Variants in ZNF585B observed in about 807,000 individuals in gnomAD.
The protein encoded by ZNF585B is zinc finger protein 585B.
In ZNF585B, 7 loss-of-function variants were observed where a neutral mutation model predicts 14.0. The observed-to-expected ratio is 0.50, with a 90% confidence interval of 0.28 to 0.94. The LOEUF (loss-of-function observed/expected upper bound fraction) is 0.94, where lower values mean the gene tolerates loss of function less well. Among genes scored for constraint, ZNF585B ranks in the 40% least tolerant of loss-of-function variants. The pLI, the probability that ZNF585B is intolerant of heterozygous loss-of-function variation, is 0.09. For synonymous variants in ZNF585B, 290 were observed against 317.3 expected (o/e 0.91, Z 0.91); for missense variants, 750 against 924.4 (o/e 0.81, Z 2.45).
chr19:37,182,106 C>G lies in ZNF585B; in HGVS notation c.*3121G>C, dbSNP rs1057372269. On this transcript the variant is annotated 3_prime_UTR_variant, in exon 5 of 5. Coordinates refer to ENST00000532828, the MANE Select transcript of ZNF585B (RefSeq NM_152279.4). ...TGAGGGTAGGGGATATATGGGAAAT[C>G]TCTGTACCTTCTGCCCCATTTTGCT... The G allele has an allele frequency of 1.3e-5, 2 of 152,136 alleles. No homozygotes were observed. The highest frequency in any genetic ancestry group is 6.5e-5 in the Admixed American group (1 of 15,270). The allele number at this position is 152,136 out of a possible 1,614,324, so 9.4% of individuals were successfully genotyped here.
At chr19:37,203,470 A>T in intron 2 of ZNF585B, among the ~76,000 whole-genome samples, 1 of 99,480 alleles carries the variant, frequency 1.0e-5, no homozygotes, top group Non-Finnish European at 2.0e-5. Flanking sequence ...ACATAGTAAG[A>T]TCTTGTCACA....
chr19:37,198,174 T>C (rs1468599726), intron 2 of ZNF585B, among the ~76,000 whole-genome samples: 2 of 152,200 alleles, frequency 1.3e-5, no homozygotes, highest in Middle Eastern at 3.4e-3. Context: ...ATTTATTTTA[T>C]TATTATTATT....
At chr19:37,198,684 C>T (rs1972496966) in intron 2 of ZNF585B, among the ~76,000 whole-genome samples, 1 of 148,744 alleles carries the variant, frequency 6.7e-6, no homozygotes, top group Non-Finnish European at 1.5e-5. Context: ...TGCAGTGAGC[C>T]GAGATTGCGC....
At chr19:37,190,172 C>T (rs889143528) in intron 2 of ZNF585B, 22 bp from the exon 3 acceptor site, 3 of 1,613,874 alleles carry the variant, frequency 1.9e-6, no homozygotes, top group African/African-American at 2.7e-5. Context: ...CATTCCTGTT[C>T]AATGTGCATA....
intron 2 of ZNF585B, among the ~76,000 whole-genome samples, chr19:37,202,789 T>C (rs7259948): frequency 0.024 from 3,722 of 152,106 alleles, 171 homozygotes; most frequent in African/African-American, 0.084. Context: ...ATTACAGGTA[T>C]GTGCCACCAT....
intron 2 of ZNF585B, among the ~76,000 whole-genome samples, chr19:37,190,785 C>T (rs1000470024): frequency 5.9e-5 from 9 of 151,790 alleles, no homozygotes; most frequent in African/African-American, 2.2e-4. Context: ...AGAATGGTCT[C>T]TATCTCCTGA....
At position 37,184,708 on chromosome 19, in the gene ZNF585B, T is replaced by C. The variant is rs73624813; in HGVS notation, c.*519A>G. On this transcript the variant is annotated 3_prime_UTR_variant, in exon 5 of 5. Coordinates refer to ENST00000532828, the MANE Select transcript of ZNF585B (RefSeq NM_152279.4). ...TCTTATTGCAGTATCTCTTGCTTGATAGAAATACTCAATGGGGAATTGGAT... is the reference window on the plus strand; with the variant it reads ...TCTTATTGCAGTATCTCTTGCTTGACAGAAATACTCAATGGGGAATTGGAT... 0.021 allele frequency: 5,851 copies of C among 278,952 alleles called. 219 individuals carry two copies. Among genetic ancestry groups the C allele is most frequent in the African/African-American group, 0.088 (4,034 of 46,086 alleles). The allele number at this position is 278,952 out of a possible 1,614,324, so 17.3% of individuals were successfully genotyped here. A position where few individuals can be genotyped will look rare whatever the true frequency, so the allele number is the denominator to read the frequency against.
rs532845763 is a variant in ZNF585B, at chr19:37,199,733, T to C, written c.72+7307A>G. On this transcript the variant is annotated intron_variant, in intron 2 of 4. Transcript: ENST00000532828. ...TCCACCATGAATTCAAGGAATTCACTATAATTATAACTACTTAAAATAATT... is the reference window on the plus strand; with the variant it reads ...TCCACCATGAATTCAAGGAATTCACCATAATTATAACTACTTAAAATAATT... Among the ~76,000 whole-genome samples, 15 of 152,276 alleles carry C rather than the reference T, an allele frequency of 9.9e-5. No individual in the cohort carries two copies. In the East Asian group the frequency reaches 2.9e-3, roughly 29 times the overall value.
chr19:37,202,668 G>T (rs1430712337), intron 2 of ZNF585B, among the ~76,000 whole-genome samples: 1 of 145,232 alleles, frequency 6.9e-6, no homozygotes, highest in Non-Finnish European at 1.5e-5. Flanking sequence ...TTGAGATGGA[G>T]TTTCGCGCTT....
chr19:37,190,278 C>T (rs1246805251), intron 2 of ZNF585B, 128 bp from the exon 3 acceptor site: 12 of 1,373,490 alleles, frequency 8.7e-6, no homozygotes, highest in Non-Finnish European at 1.2e-5. Context: ...GACAGTCTTG[C>T]TCTGTTCCCC....
intron 2 of ZNF585B, among the ~76,000 whole-genome samples, chr19:37,198,644 G>C (rs1264420900): frequency 2.0e-5 from 3 of 151,308 alleles, no homozygotes. Flanking sequence ...GCTGAGACAG[G>C]AGAATCTCTT....
At chr19:37,205,383 T>C (rs1972575111) in intron 2 of ZNF585B, among the ~76,000 whole-genome samples, 2 of 152,368 alleles carry the variant, frequency 1.3e-5, no homozygotes, top group Middle Eastern at 3.4e-3. Context: ...CCACTACTTC[T>C]AATATATCCA....
intron 2 of ZNF585B, among the ~76,000 whole-genome samples, chr19:37,200,053 T>TAATAA (rs74174449): frequency 0.027 from 3,976 of 144,598 alleles, 74 homozygotes; most frequent in Admixed American, 0.058. Flanking sequence ...CAAAAATAAA[T>TAATAA]AATAAAATAA....
At position 37,189,755 on chromosome 19, in the gene ZNF585B, T is replaced by C. The variant is rs1371306048; in HGVS notation, c.200-2A>G. The C allele has an allele frequency of 1.9e-6, 3 of 1,614,038 alleles. No individual in the cohort carries two copies. The highest frequency in any genetic ancestry group is 1.1e-5 in the South Asian group (1 of 91,080). On this transcript the variant is annotated splice_acceptor_variant, in intron 3 of 4. Transcript: ENST00000532828. LOFTEE classifies it high-confidence loss of function. ...CCTCTGGTTTAGGAACTTGATACCC[T>C]GTTCATGGGAAATGATAAAGGTCTG...
chr19:37,199,490 AC>A, intron 2 of ZNF585B: 1 of 453,086 alleles, frequency 2.2e-6, no homozygotes, highest in South Asian at 1.6e-5. Context: ...GCACCACAGC[AC>A]TCCAGCCTGA....
At chr19:37,191,416 G>A (rs1266588389) in intron 2 of ZNF585B, among the ~76,000 whole-genome samples, 1 of 151,874 alleles carries the variant, frequency 6.6e-6, no homozygotes, top group African/African-American at 2.4e-5. Flanking sequence ...TTTGGAGTTC[G>A]AGACCAGCCT....
rs369736598 is a variant in ZNF585B at position 37,209,720 on chromosome 19, C to T, written c.-144+721G>A. ...GACACTAATTGAAACATAAAGTGCACTTCTTTTTTTTTTTTTTTTTTTTGG... is the reference window on the plus strand; with the variant it reads ...GACACTAATTGAAACATAAAGTGCATTTCTTTTTTTTTTTTTTTTTTTTGG... On this transcript the variant is annotated intron_variant, in intron 1 of 4. Transcript: ENST00000532828. Among the ~76,000 whole-genome samples the T allele has an allele frequency of 3.3e-4, 43 of 131,616 alleles. No individual in the cohort carries two copies. The East Asian group carries it at 6.3e-3, about 19-fold the overall frequency. 86.3% of individuals were successfully genotyped at this position (131,616 alleles called of 152,430 possible). A position where few individuals can be genotyped will look rare whatever the true frequency, so the allele number is the denominator to read the frequency against.
chr19:37,207,244 C>T lies in ZNF585B; in HGVS notation c.-133G>A, dbSNP rs1972596214. ...GTCTGGCCCAGGGACTCCCCAGAGACACCCAAGAACCTAGAAAAACAATGT... is the reference window on the plus strand; with the variant it reads ...GTCTGGCCCAGGGACTCCCCAGAGATACCCAAGAACCTAGAAAAACAATGT... On this transcript the variant is annotated 5_prime_UTR_variant, in exon 2 of 5. Transcript: ENST00000532828. The T allele has an allele frequency of 4.1e-6, 6 of 1,479,280 alleles. No homozygotes were observed. The highest frequency in any genetic ancestry group is 1.4e-5 in the African/African-American group (1 of 71,058). The allele number at this position is 1,479,280 out of a possible 1,614,324, so 91.6% of individuals were successfully genotyped here.
rs1478425788 is a variant in ZNF585B, at chr19:37,187,033, T to C, written c.504A>G (p.Val168=). Residue 168 remains valine, a synonymous_variant, in exon 5 of 5, where the codon GTA becomes GTG. Coordinates refer to ENST00000532828, the MANE Select transcript of ZNF585B (RefSeq NM_152279.4). ...GATGTGTGATGAATTCTGGCTTCTG[T>C]ACAAAAGCCCTCCCACATTCAATAC... ...YVCIECGRAF[V]QKPEFITHQK... 2.5e-6 allele frequency: 4 copies of C among 1,613,064 alleles called. No homozygotes were observed.
Sources: allele counts gnomAD v4.1 joint callset (sites outside exome capture counted in the v4.1 genomes callset), GRCh38; gene constraint gnomAD v4.1.1; transcripts MANE v1.5; gene names NCBI Gene and HGNC (gene_info 2026-07-23, HGNC 2026-07-21).